Variants in SBNO2 observed in about 807,000 individuals in gnomAD.
SBNO2 encodes protein strawberry notch homolog 2.
A neutral mutation model predicts 146.3 loss-of-function variants in SBNO2; 89 were observed. The ratio of observed to expected loss-of-function variants is 0.61; its 90% CI spans 0.51 to 0.73. The LOEUF is 0.73. SBNO2 is among the 30% of genes least tolerant of loss of function. The probability of loss-of-function intolerance (pLI) is 0.00; values close to 1 mark genes in which losing one functional copy is unlikely to be tolerated. For missense variants in SBNO2, 2,092 were observed against 2,003.7 expected (o/e 1.04, Z -0.84); for synonymous variants, 1,147 against 892.6 (o/e 1.29, Z -5.08).
In SBNO2 at chr19:1,164,524, CAGGAGG is replaced by C. The variant is rs1208873405; in HGVS notation, c.-127+9642_-127+9647del. Reference sequence around the variant, plus strand: ...GAGACAGGAGGAGGAGGAGGAGGAACAGGAGGAGGAGGAGGAGGAGGAGGAGGAACA... The same window carrying C: ...GAGACAGGAGGAGGAGGAGGAGGAACAGGAGGAGGAGGAGGAGGAGGAACA... On this transcript the variant is annotated intron_variant, in intron 1 of 31. Transcript: ENST00000361757. 9.6e-3 allele frequency among the ~76,000 whole-genome samples: 210 copies of C among 21,928 alleles called. 4 individuals are homozygous for C. The highest frequency in any genetic ancestry group is 0.014 in the Non-Finnish European group (162 of 11,592). 14.4% of individuals were successfully genotyped at this position (21,928 alleles called of 152,430 possible).
At position 1,116,004 on chromosome 19, in the gene SBNO2, T is replaced by C; in HGVS notation, c.1885+17A>G. On this transcript the variant is annotated intron_variant, in intron 17 of 31. Coordinates refer to ENST00000361757, the MANE Select transcript of SBNO2 (RefSeq NM_014963.3). ...AGAGGGGCAGGGGTGGGTGGGGCCA[T>C]GGGGGGCAGGGCTTACGTTTCCGCT... 4 of 1,312,230 alleles carry C rather than the reference T, an allele frequency of 3.0e-6. No homozygotes were observed. Among genetic ancestry groups the C allele is most frequent in the Non-Finnish European group, 3.9e-6 (4 of 1,021,402 alleles). 81.3% of individuals were successfully genotyped at this position (1,312,230 alleles called of 1,614,324 possible). A position where few individuals can be genotyped will look rare whatever the true frequency, so the allele number is the denominator to read the frequency against.
At chr19:1,122,592 T>TGCCCCCCCCCCCCCCCCCCCCCCCCCCCC in intron 9 of SBNO2, 34 bp from the exon 10 acceptor site, 1 of 1,455,724 alleles carries the variant, frequency 6.9e-7, no homozygotes, top group Admixed American at 2.1e-5. Context: ...CGCCCACCCT[T>TGCCCCCCCCCCCCCCCCCCCCCCCCCCCC]CCCCCTCGCC....
chr19:1,151,428 T>C (rs76172981), intron 2 of SBNO2, among the ~76,000 whole-genome samples: 11,288 of 152,176 alleles, frequency 0.074, 599 homozygotes, highest in East Asian at 0.25. Context: ...TCTATCCCCC[T>C]AGTCTCCTCC....
In SBNO2 at chr19:1,154,264, C is replaced by T; in HGVS notation, c.13G>A (p.Gly5Arg). 2.4e-6 allele frequency: 3 copies of T among 1,266,414 alleles called. No individual in the cohort carries two copies. The highest frequency in any genetic ancestry group is 3.0e-6 in the Non-Finnish European group (3 of 1,004,872). The allele number at this position is 1,266,414 out of a possible 1,614,324, so 78.4% of individuals were successfully genotyped here. ...GGGTAATCCCTGTCCATGGCGGGCC[C>T]CACTGCAAGCATCGGGCGGCAGGCG... MLAV[G>R]PAMDRDYPQH... is the part of the protein sequence containing the mutation. Residue 5 changes from glycine to arginine, a missense_variant, in exon 2 of 32, where the codon GGG becomes AGG. Gly to Arg is a moderately radical substitution (Grantham distance 125). Coordinates refer to ENST00000361757, the MANE Select transcript of SBNO2 (RefSeq NM_014963.3).
intron 17 of SBNO2, chr19:1,115,280 A>G (rs1164276409): frequency 6.7e-6 from 1 of 148,556 alleles, no homozygotes; most frequent in Non-Finnish European, 1.5e-5. Flanking sequence ...TTTTTCTGTC[A>G]CCCAAGTTGG....
intron 4 of SBNO2, among the ~76,000 whole-genome samples, chr19:1,134,515 C>T (rs1244122857): frequency 6.9e-6 from 1 of 144,386 alleles, no homozygotes; most frequent in African/African-American, 2.7e-5. Context: ...CCTTGAGGAC[C>T]TCACACTCAG....
At position 1,140,913 on chromosome 19, in the gene SBNO2, A is replaced by G. The variant is rs907149867; in HGVS notation, c.279+6396T>C. Among the ~76,000 whole-genome samples the G allele has an allele frequency of 1.3e-5, 2 of 152,112 alleles. No individual in the cohort carries two copies. The highest frequency in any genetic ancestry group is 2.9e-5 in the Non-Finnish European group (2 of 68,004). ...CGCCAGGCACTCCGGTCCACGCCGC[A>G]CTGTACATGGTGCCGTCTGAGGGAT... On this transcript the variant is annotated intron_variant, in intron 4 of 31. Transcript: ENST00000361757. This position sits in a 1 kb window ranked among gnomAD's most constrained non-coding sequence, Gnocchi z 4.4.
chr19:1,144,761 G>C lies in SBNO2; in HGVS notation c.279+2548C>G, dbSNP rs944583819. On this transcript the variant is annotated intron_variant, in intron 4 of 31. Coordinates refer to ENST00000361757, the MANE Select transcript of SBNO2 (RefSeq NM_014963.3). This position sits in a 1 kb window ranked among gnomAD's most constrained non-coding sequence, Gnocchi z 4.1. The stretch of plus-strand genomic sequence containing the variant: ...AGAGACAGGTGGAGAGGGAGACAGA[G>C]AGACAGAGGCAGAGACAAAGAGACA... Among the ~76,000 whole-genome samples the C allele has an allele frequency of 1.3e-5, 2 of 151,740 alleles. No individual in the cohort carries two copies. The highest frequency in any genetic ancestry group is 2.9e-5 in the Non-Finnish European group (2 of 67,904).
At chr19:1,119,298 G>T in intron 13 of SBNO2, 134 bp from the exon 14 acceptor site, 1 of 1,159,916 alleles carries the variant, frequency 8.6e-7, no homozygotes. Flanking sequence ...TGAGGCAGTT[G>T]GCAGCTGAGC....
In SBNO2 at chr19:1,126,654, C is replaced by A. The variant is rs771979478; in HGVS notation, c.441+950G>T. Among the ~76,000 whole-genome samples the A allele has an allele frequency of 3.3e-5, 5 of 152,178 alleles. No individual in the cohort carries two copies. In the South Asian group the frequency reaches 6.2e-4, roughly 19 times the overall value. On this transcript the variant is annotated intron_variant, in intron 5 of 31. Transcript: ENST00000361757. This position sits in a 1 kb window ranked among gnomAD's most constrained non-coding sequence, Gnocchi z 4.4. ...CCGTGAGTTCTGCTGCCCGGGTTGC[C>A]CCTTCCTGAGGGCCCGGGAGAGCGG...
intron 5 of SBNO2, among the ~76,000 whole-genome samples, chr19:1,125,572 A>G (rs2079955887): frequency 6.6e-6 from 1 of 151,890 alleles, no homozygotes; most frequent in Non-Finnish European, 1.5e-5. Flanking sequence ...AGGGAGGCTG[A>G]GGAGGCAGGA....
At chr19:1,135,227 T>A (rs2080074687) in intron 4 of SBNO2, among the ~76,000 whole-genome samples, 1 of 151,740 alleles carries the variant, frequency 6.6e-6, no homozygotes, top group Non-Finnish European at 1.5e-5. Flanking sequence ...CTGCGCATGG[T>A]GGCGGGCACC....
chr19:1,115,689 G>C (rs1043582857), intron 17 of SBNO2: 5 of 424,086 alleles, frequency 1.2e-5, no homozygotes, highest in African/African-American at 4.1e-5. Flanking sequence ...GTTATCAATG[G>C]GCTCCCCAAG....
rs753554018 is a variant in SBNO2, at chr19:1,149,567, G to A, written c.94-125C>T. 5.3e-5 allele frequency: 43 copies of A among 809,124 alleles called. No homozygotes were observed. In the Admixed American group the frequency reaches 6.7e-4, roughly 13 times the overall value. The allele number at this position is 809,124 out of a possible 1,614,324, so 50.1% of individuals were successfully genotyped here. On this transcript the variant is annotated intron_variant, in intron 2 of 31. Coordinates refer to ENST00000361757, the MANE Select transcript of SBNO2 (RefSeq NM_014963.3). ...GGCCCCGCAGTCAGGGTCCCATCCC[G>A]CCCCTGCTGGTATCTCCTGGGGAGT... is the stretch of plus-strand genomic sequence containing the variant.
intron 1 of SBNO2, among the ~76,000 whole-genome samples, chr19:1,167,738 C>T (rs1220587344): frequency 6.6e-6 from 1 of 152,192 alleles, no homozygotes; most frequent in East Asian, 1.9e-4. Context: ...GGGACGGTGG[C>T]TTCTCTGGGG....
rs541825852 is a variant in SBNO2 at position 1,173,342 on chromosome 19, C to A, written c.-127+830G>T. 6.6e-5 allele frequency among the ~76,000 whole-genome samples: 10 copies of A among 152,320 alleles called. No individual in the cohort carries two copies. The East Asian group carries it at 1.9e-3, about 29-fold the overall frequency. On this transcript the variant is annotated intron_variant, in intron 1 of 31. Coordinates refer to ENST00000361757, the MANE Select transcript of SBNO2 (RefSeq NM_014963.3). The surrounding 1 kb of genome is among the most constrained non-coding windows in gnomAD (Gnocchi z 4.7). ...TGTCCCTGGAAGCCGGGTTTGAATG[C>A]GACCCGCACTCCCACCCCCAACACG...
intron 5 of SBNO2, among the ~76,000 whole-genome samples, chr19:1,125,973 G>A (rs902720610): frequency 2.3e-4 from 35 of 152,314 alleles, no homozygotes; most frequent in African/African-American, 7.9e-4. Flanking sequence ...CAGCCTGGGC[G>A]ACAGAGTGAG....
chr19:1,162,978 A>G (rs1476673271), intron 1 of SBNO2, among the ~76,000 whole-genome samples: 1 of 151,868 alleles, frequency 6.6e-6, no homozygotes, highest in East Asian at 1.9e-4. Flanking sequence ...CTGGGGACGT[A>G]TGGGGGCAGG....
At position 1,108,465 on chromosome 19, in the gene SBNO2, G is replaced by A. The variant is rs1469311830; in HGVS notation, c.3856C>T (p.Pro1286Ser). The A allele has an allele frequency of 3.3e-6, 4 of 1,228,362 alleles. No individual in the cohort carries two copies. Among genetic ancestry groups the A allele is most frequent in the South Asian group, 4.8e-5 (2 of 41,590 alleles). 76.1% of individuals were successfully genotyped at this position (1,228,362 alleles called of 1,614,324 possible). The change falls in exon 32 of 32, where the codon CCC (proline) becomes TCC (serine). Residue 1286 changes from proline to serine, a missense_variant. By Grantham distance (74) the Pro-to-Ser change is moderately conservative. Transcript: ENST00000361757. ...FPAPLSLDAG[P>S]GVVPLGTPDA... ...GGGGTGCCCAGCGGCACGACGCCGG[G>A]GCCGGCGTCCAGGGACAGCGGCGCC... is the stretch of plus-strand genomic sequence containing the variant.
Sources: gnomAD v4.1 joint callset for allele counts (sites outside exome capture counted in the v4.1 genomes callset) on GRCh38, gnomAD v4.1.1 for gene constraint, Gnocchi (gnomAD v3.1) non-coding constraint, MANE v1.5 for transcripts, NCBI Gene and HGNC (gene_info 2026-07-23, HGNC 2026-07-21) for gene names.